The following WWOX variants were observed in gnomAD, a reference collection of about 807,000 sequenced individuals.
WWOX encodes the protein WW domain containing oxidoreductase, also known as WW domain-containing oxidoreductase.
A neutral mutation model predicts 46.2 loss-of-function variants in WWOX; 69 were observed. The observed-to-expected ratio is 1.49, with a 90% CI of 1.23 to 1.82. The LOEUF is 1.82. Ranked by LOEUF, WWOX falls within the 40% of genes most tolerant of loss-of-function variation. WWOX has a pLI of 0.00. For synonymous variants in WWOX, 359 were observed against 202.6 expected (o/e 1.77, Z -6.56); for missense variants, 919 against 542.6 (o/e 1.69, Z -6.89).
intron 8 of WWOX, among the ~76,000 whole-genome samples, chr16:78,960,330 G>T (rs2095451576): frequency 6.6e-6 from 1 of 152,190 alleles, no homozygotes; most frequent in South Asian, 2.1e-4. Context: ...TTGGCTTGTG[G>T]TATATTCAAA....
intron 8 of WWOX, among the ~76,000 whole-genome samples, chr16:79,104,154 C>G (rs2049261483): frequency 6.6e-6 from 1 of 151,774 alleles, no homozygotes; most frequent in South Asian, 2.1e-4. Context: ...GATTCACAAC[C>G]CCACAAATAG....
intron 8 of WWOX, among the ~76,000 whole-genome samples, chr16:78,911,842 G>C (rs1351853505): frequency 6.6e-6 from 1 of 151,998 alleles, no homozygotes; most frequent in Non-Finnish European, 1.5e-5. Context: ...TTCCAGCCTG[G>C]GTGACAGAGC....
intron 8 of WWOX, among the ~76,000 whole-genome samples, chr16:78,958,852 T>C (rs944070790): frequency 6.6e-6 from 1 of 152,188 alleles, no homozygotes; most frequent in African/African-American, 2.4e-5. Context: ...AAATTCTTCC[T>C]TTGATTCAAA....
In WWOX at chr16:78,381,751, T is replaced by C. The variant is rs1256849503; in HGVS notation, c.517-5109T>C. 2.6e-5 allele frequency among the ~76,000 whole-genome samples: 4 copies of C among 151,960 alleles called. No homozygotes were observed. In the East Asian group the frequency reaches 7.7e-4, roughly 29 times the overall value. On this transcript the variant is annotated intron_variant, in intron 5 of 8. Transcript: ENST00000566780. ...TAAACAAGCATGGGAGGATGGATGA[T>C]TGGATGGATGGATGAATGGATAGGT... is the stretch of plus-strand genomic sequence containing the variant.
intron 5 of WWOX, among the ~76,000 whole-genome samples, chr16:78,314,813 A>T (rs2080328804): frequency 6.7e-6 from 1 of 149,536 alleles, no homozygotes; most frequent in African/African-American, 2.5e-5. Context: ...TGGCCTCCCA[A>T]AGTGCTGGGA....
intron 8 of WWOX, among the ~76,000 whole-genome samples, chr16:79,107,914 T>A (rs1017489322): frequency 2.6e-5 from 4 of 152,092 alleles, no homozygotes; most frequent in African/African-American, 9.7e-5. Flanking sequence ...TTTTGGAAAA[T>A]GATTAGGGAC....
At chr16:79,178,284 G>T (rs929571435) in intron 8 of WWOX, among the ~76,000 whole-genome samples, 3 of 152,114 alleles carry the variant, frequency 2.0e-5, no homozygotes, top group Non-Finnish European at 2.9e-5. Context: ...TTTGACCCAT[G>T]GGCTGCAGTT....
intron 5 of WWOX, among the ~76,000 whole-genome samples, chr16:78,217,720 GCAGA>G (rs1171649253): frequency 3.9e-5 from 6 of 152,216 alleles, no homozygotes; most frequent in Admixed American, 3.3e-4. Context: ...CATTCTTTCA[GCAGA>G]CAGTTTCTTC....
intron 8 of WWOX, among the ~76,000 whole-genome samples, chr16:78,450,156 T>G (rs555239339): frequency 1.3e-4 from 20 of 152,290 alleles, no homozygotes; most frequent in Non-Finnish European, 1.5e-4. Flanking sequence ...AGTATCTAAT[T>G]TAGCAAAATT....
intron 8 of WWOX, among the ~76,000 whole-genome samples, chr16:78,840,642 G>T (rs892306788): frequency 5.3e-5 from 8 of 151,858 alleles, no homozygotes; most frequent in Admixed American, 5.2e-4. Flanking sequence ...ATCACCGAGG[G>T]ATCTTGTTAA....
chr16:78,666,142 C>G (rs1054296554), intron 8 of WWOX, among the ~76,000 whole-genome samples: 6 of 151,928 alleles, frequency 3.9e-5, no homozygotes, highest in African/African-American at 1.2e-4. Context: ...AAAAAATTAG[C>G]CGAGTGTGGT....
chr16:78,338,241 C>T (rs1431562151), intron 5 of WWOX, among the ~76,000 whole-genome samples: 1 of 120,390 alleles, frequency 8.3e-6, no homozygotes, highest in East Asian at 1.9e-4. Context: ...TATTCAGCAA[C>T]CAAAATTTTA....
chr16:79,108,179 C>G (rs1034163636), intron 8 of WWOX, among the ~76,000 whole-genome samples: 52 of 152,206 alleles, frequency 3.4e-4, no homozygotes, highest in African/African-American at 1.2e-3. Context: ...GCCCACTAGT[C>G]CACTGTCTAA....
intron 8 of WWOX, among the ~76,000 whole-genome samples, chr16:78,691,637 G>A (rs746021100): frequency 2.1e-4 from 32 of 152,300 alleles, no homozygotes; most frequent in Middle Eastern, 6.8e-3. Context: ...GAGCCTAGGA[G>A]GTTGAGAGTG....
chr16:78,675,737 G>A (rs1186293753), intron 8 of WWOX, among the ~76,000 whole-genome samples: 1 of 152,098 alleles, frequency 6.6e-6, no homozygotes, highest in African/African-American at 2.4e-5. Flanking sequence ...ACTTAGAGAG[G>A]GCAAGACAGA....
At chr16:78,798,609 A>G (rs1485666367) in intron 8 of WWOX, among the ~76,000 whole-genome samples, 1 of 139,588 alleles carries the variant, frequency 7.2e-6, no homozygotes, top group Non-Finnish European at 1.5e-5. Context: ...TTTTTTTTTA[A>G]GAGATTTACA....
intron 5 of WWOX, among the ~76,000 whole-genome samples, chr16:78,325,505 G>T (rs1457293196): frequency 6.6e-6 from 1 of 152,144 alleles, no homozygotes; most frequent in South Asian, 2.1e-4. Flanking sequence ...AATGACAAAT[G>T]AGGCAAAGTT....
At chr16:78,379,258 G>T (rs74678762) in intron 5 of WWOX, among the ~76,000 whole-genome samples, 2 of 152,196 alleles carry the variant, frequency 1.3e-5, no homozygotes, top group East Asian at 3.9e-4. Flanking sequence ...GTAAGGGAGG[G>T]GTAGATACAC....
At chr16:78,726,529 C>T (rs962837970) in intron 8 of WWOX, among the ~76,000 whole-genome samples, 32 of 152,284 alleles carry the variant, frequency 2.1e-4, no homozygotes, top group African/African-American at 7.7e-4. Flanking sequence ...CCACTGCACC[C>T]AGCCTATCTT....
Sources: allele counts gnomAD v4.1 joint callset (sites outside exome capture counted in the v4.1 genomes callset), GRCh38; gene constraint gnomAD v4.1.1; transcripts MANE v1.5; gene names NCBI Gene and HGNC (gene_info 2026-07-23, HGNC 2026-07-21).